The following NTN1 variants were observed in gnomAD, a reference collection of about 807,000 sequenced individuals.
NTN1 encodes the protein netrin 1, also known as netrin-1.
NTN1 carries 11 observed loss-of-function variants against 54.2 expected under a neutral mutation model. The ratio of observed to expected loss-of-function variants is 0.20; its 90% CI spans 0.13 to 0.34. The LOEUF (loss-of-function observed/expected upper bound fraction) is 0.34, where lower values mean the gene tolerates loss of function less well. Among genes scored for constraint, NTN1 ranks in the 10% least tolerant of loss-of-function variants. NTN1 has a pLI of 1.00. For missense variants in NTN1, 740 were observed against 893.1 expected, an observed-to-expected ratio of 0.83 and a Z score of 2.18; for synonymous variants, 371 against 382.0, an observed-to-expected ratio of 0.97 and a Z score of 0.33.
At chr17:9,097,412 C>T (rs1042464270) in intron 2 of NTN1, among the ~76,000 whole-genome samples, 6 of 152,106 alleles carry the variant, frequency 3.9e-5, no homozygotes, top group South Asian at 2.1e-4. Context: ...ATCACGAGGT[C>T]GGGAGTTCAA....
chr17:9,129,140 C>G (rs2092256062), intron 2 of NTN1, among the ~76,000 whole-genome samples: 1 of 152,150 alleles, frequency 6.6e-6, no homozygotes, highest in South Asian at 2.1e-4. Flanking sequence ...TCAATTACGT[C>G]TTTGCAGAAC....
chr17:9,041,465 G>A (rs892760151), intron 2 of NTN1, among the ~76,000 whole-genome samples: 3 of 152,118 alleles, frequency 2.0e-5, no homozygotes, highest in Non-Finnish European at 2.9e-5. Context: ...TGTGACTGAC[G>A]TCTTTCAATT....
intron 2 of NTN1, among the ~76,000 whole-genome samples, chr17:9,066,933 G>A (rs1396828840): frequency 2.7e-5 from 4 of 150,042 alleles, no homozygotes; most frequent in Non-Finnish European, 5.9e-5. Context: ...CCCAGGAGGT[G>A]GAGGTTGCAG....
chr17:9,005,114 C>A, the NTN1 span, among the ~76,000 whole-genome samples: 5 of 152,064 alleles, frequency 3.3e-5, no homozygotes, highest in Non-Finnish European at 5.9e-5. Context: ...GCACCTCCCC[C>A]GCATCTCTCC....
chr17:9,129,057 C>T (rs570639554), intron 2 of NTN1, among the ~76,000 whole-genome samples: 1 of 152,254 alleles, frequency 6.6e-6, no homozygotes, highest in Non-Finnish European at 1.5e-5. Context: ...TCCCTCTCCG[C>T]GGTAACACTA....
intron 2 of NTN1, among the ~76,000 whole-genome samples, chr17:9,109,888 A>G (rs909745548): frequency 6.6e-6 from 1 of 152,146 alleles, no homozygotes. Context: ...ATCTTTTCAT[A>G]TGTTTATTGG....
chr17:9,029,055 C>T (rs2035700426), intron 2 of NTN1, among the ~76,000 whole-genome samples: 1 of 151,868 alleles, frequency 6.6e-6, no homozygotes. Context: ...AAGCCTAATA[C>T]TTGTAGAGCA....
At chr17:9,162,447 C>T (rs2092359585) in intron 2 of NTN1, among the ~76,000 whole-genome samples, 1 of 151,908 alleles carries the variant, frequency 6.6e-6, no homozygotes, top group Non-Finnish European at 1.5e-5. Context: ...ACATGCGTCC[C>T]TGCGTCTCTC....
the NTN1 span, among the ~76,000 whole-genome samples, chr17:9,014,001 T>C: frequency 2.0e-5 from 3 of 152,192 alleles, no homozygotes; most frequent in Admixed American, 1.3e-4. Context: ...AGAGCCCTGG[T>C]AGATTAAAGG....
intron 2 of NTN1, among the ~76,000 whole-genome samples, chr17:9,063,553 GT>G (rs61296086): frequency 1.0e-3 from 149 of 145,100 alleles, no homozygotes; most frequent in Non-Finnish European, 1.3e-3. Context: ...GCAGAGCAAA[GT>G]TTTTTTTTTT....
Position 9,115,932 on chromosome 17 carries a change from A to G in NTN1, c.1019-46881A>G, listed in dbSNP as rs2092210653. ...AACAGTCGGAGAATTTTCCTCCCAT[A>G]AACAAAACAAACATGAGCCGAAGGG... On this transcript the variant is annotated intron_variant, in intron 2 of 6. Coordinates refer to ENST00000173229, the MANE Select transcript of NTN1 (RefSeq NM_004822.3). Among the ~76,000 whole-genome samples, 3 of 152,284 alleles carry G rather than the reference A, an allele frequency of 2.0e-5. No individual in the cohort carries two copies. The South Asian group carries it at 6.2e-4, about 32-fold the overall frequency.
At chr17:9,207,997 G>A (rs1427803145) in intron 5 of NTN1, among the ~76,000 whole-genome samples, 1 of 152,226 alleles carries the variant, frequency 6.6e-6, no homozygotes. Context: ...ACTTTGGGAG[G>A]CTGAGGCAGG....
At chr17:9,163,994 G>A (rs112628555) in intron 3 of NTN1, among the ~76,000 whole-genome samples, 7 of 152,364 alleles carry the variant, frequency 4.6e-5, no homozygotes, top group South Asian at 2.1e-4. Flanking sequence ...CCCAAGCCAC[G>A]GCAGACAGGC....
At chr17:9,223,111 G>A (rs944690600) in intron 6 of NTN1, among the ~76,000 whole-genome samples, 2 of 152,182 alleles carry the variant, frequency 1.3e-5, no homozygotes, top group Non-Finnish European at 2.9e-5. Flanking sequence ...TAAAAGCTGC[G>A]TTAAGCTGTA....
intron 5 of NTN1, among the ~76,000 whole-genome samples, chr17:9,184,135 C>G (rs554045012): frequency 6.6e-6 from 1 of 152,124 alleles, no homozygotes; most frequent in Non-Finnish European, 1.5e-5. Flanking sequence ...TGGCAGTGCG[C>G]TGGAAACTTG....
intron 5 of NTN1, among the ~76,000 whole-genome samples, chr17:9,202,056 A>ACACACACACACACAC (rs553874657): frequency 1.0e-3 from 15 of 14,288 alleles, no homozygotes; most frequent in South Asian, 4.7e-3. Context: ...ACACACACAC[A>ACACACACACACACAC]AAAAAAAAAA....
At chr17:9,216,418 C>T (rs1905217773) in intron 5 of NTN1, among the ~76,000 whole-genome samples, 1 of 152,120 alleles carries the variant, frequency 6.6e-6, no homozygotes, top group Non-Finnish European at 1.5e-5. Context: ...TCTGCCATGC[C>T]CATTTGGCAT....
upstream of NTN1, among the ~76,000 whole-genome samples, chr17:9,020,165 C>A (rs1028124017): frequency 5.3e-5 from 8 of 152,218 alleles, no homozygotes; most frequent in Non-Finnish European, 1.2e-4. Context: ...TATGAAAATG[C>A]CAATAAGACA....
intron 6 of NTN1, among the ~76,000 whole-genome samples, chr17:9,232,758 G>A (rs958810643): frequency 4.6e-5 from 7 of 152,110 alleles, no homozygotes; most frequent in Admixed American, 2.0e-4. Flanking sequence ...CGGGTGTGGC[G>A]GCCCCCTCTC....
Sources: gnomAD v4.1 joint callset for allele counts (sites outside exome capture counted in the v4.1 genomes callset) on GRCh38, gnomAD v4.1.1 for gene constraint, MANE v1.5 for transcripts, NCBI Gene and HGNC (gene_info 2026-07-23, HGNC 2026-07-21) for gene names.